The following SHB variants were observed in gnomAD, a reference collection of about 807,000 sequenced individuals.
SHB encodes SH2 domain-containing adapter protein B.
Under a neutral mutation model 52.3 loss-of-function variants are expected in SHB, and 20 were observed. The observed-to-expected ratio is 0.38, with a 90% CI of 0.27 to 0.56. The LOEUF (loss-of-function observed/expected upper bound fraction) is 0.56. Ranked by LOEUF, SHB falls within the 20% of genes least tolerant of loss-of-function variation. The pLI, the probability that SHB is intolerant of heterozygous loss-of-function variation, is 0.71. For missense variants in SHB, 825 were observed against 723.3 expected, an observed-to-expected ratio of 1.14 and a Z score of -1.61; for synonymous variants, 397 against 316.5, an observed-to-expected ratio of 1.25 and a Z score of -2.70.
At chr9:38,014,200 G>C (rs1056911837) in intron 2 of SHB, among the ~76,000 whole-genome samples, 2 of 151,908 alleles carry the variant, frequency 1.3e-5, no homozygotes, top group Non-Finnish European at 2.9e-5. Flanking sequence ...GAGGCTGTTA[G>C]GTTTAGATGA....
At position 37,920,020 on chromosome 9, in the gene SHB, A is replaced by G; in HGVS notation, c.1347-16T>C. ...CTGGTTGCTCCTGTGAACAAAACAC[A>G]GAGTTATCAGAACTACCCCCCTGAC... On this transcript the variant is annotated splice_polypyrimidine_tract_variant and intron_variant, in intron 5 of 5. Transcript: ENST00000377707. The G allele has an allele frequency of 1.2e-6, 2 of 1,608,500 alleles. No homozygotes were observed. The highest frequency in any genetic ancestry group is 1.7e-6 in the Non-Finnish European group (2 of 1,175,214).
intron 2 of SHB, among the ~76,000 whole-genome samples, chr9:38,012,647 C>T (rs947854964): frequency 2.6e-5 from 4 of 151,748 alleles, no homozygotes; most frequent in Admixed American, 6.6e-5. Context: ...AGGGGAAAAC[C>T]GAGGTCCCTG....
chr9:38,029,354 T>G (rs1410505801), intron 1 of SHB, among the ~76,000 whole-genome samples: 1 of 152,246 alleles, frequency 6.6e-6, no homozygotes, highest in African/African-American at 2.4e-5. Flanking sequence ...TTTACTCAAG[T>G]GCTTGCCCAT....
intron 5 of SHB, among the ~76,000 whole-genome samples, chr9:37,927,025 TATGCAAGATACCCACTGCACAG>T (rs1210486135): frequency 6.6e-6 from 1 of 152,184 alleles, no homozygotes; most frequent in Non-Finnish European, 1.5e-5. Flanking sequence ...GCTGGCATTA[TATGCAAGATACCCACTGCACAG>T]ATGAGAAGAC....
intron 1 of SHB, among the ~76,000 whole-genome samples, chr9:38,024,318 A>C (rs2118097653): frequency 6.6e-6 from 1 of 152,322 alleles, no homozygotes; most frequent in Middle Eastern, 3.4e-3. Flanking sequence ...GTTCTGTCCT[A>C]AATGCTCCTT....
At chr9:37,987,010 G>C (rs1445266471) in intron 2 of SHB, among the ~76,000 whole-genome samples, 1 of 152,252 alleles carries the variant, frequency 6.6e-6, no homozygotes, top group Non-Finnish European at 1.5e-5. Context: ...AAGCCATAGG[G>C]GACAGGCTTT....
At chr9:38,054,275 C>A (rs1417315435) in intron 1 of SHB, among the ~76,000 whole-genome samples, 1 of 152,196 alleles carries the variant, frequency 6.6e-6, no homozygotes, top group Non-Finnish European at 1.5e-5. Context: ...CCACAAGGGG[C>A]CAAGAAGCAG....
At chr9:38,049,132 T>C (rs935144664) in intron 1 of SHB, among the ~76,000 whole-genome samples, 1 of 152,240 alleles carries the variant, frequency 6.6e-6, no homozygotes, top group African/African-American at 2.4e-5. Context: ...GTGATCCTGC[T>C]ACCTCAGCCT....
chr9:37,997,366 C>T (rs1264576251), intron 2 of SHB, among the ~76,000 whole-genome samples: 1 of 152,224 alleles, frequency 6.6e-6, no homozygotes, highest in Non-Finnish European at 1.5e-5. Context: ...CAGGTCTGAG[C>T]TTGGGCTGCT....
chr9:37,946,562 C>T (rs555598279), intron 5 of SHB, among the ~76,000 whole-genome samples: 2 of 152,316 alleles, frequency 1.3e-5, no homozygotes, highest in Admixed American at 6.5e-5. Flanking sequence ...GCACTGGAGT[C>T]ACCACAGGGC....
intron 1 of SHB, among the ~76,000 whole-genome samples, chr9:38,016,553 G>A (rs1821215378): frequency 6.6e-6 from 1 of 152,236 alleles, no homozygotes; most frequent in Non-Finnish European, 1.5e-5. Flanking sequence ...TGCTCCTGGT[G>A]CTGGCTGAGG....
At chr9:37,996,221 C>T (rs1442098577) in intron 2 of SHB, among the ~76,000 whole-genome samples, 1 of 152,258 alleles carries the variant, frequency 6.6e-6, no homozygotes, top group East Asian at 1.9e-4. Flanking sequence ...TGTCCACAGG[C>T]TGCATGAAGC....
chr9:37,994,578 T>A (rs1271936698), intron 2 of SHB, among the ~76,000 whole-genome samples: 1 of 152,206 alleles, frequency 6.6e-6, no homozygotes, highest in African/African-American at 2.4e-5. Flanking sequence ...GCAACCTCTG[T>A]TGTGGAGTGG....
At chr9:37,987,525 C>T (rs1383040837) in intron 2 of SHB, among the ~76,000 whole-genome samples, 3 of 152,242 alleles carry the variant, frequency 2.0e-5, no homozygotes, top group Non-Finnish European at 4.4e-5. Flanking sequence ...AAGGCAGGCA[C>T]TGAAGAGCCC....
At chr9:38,066,839 C>G (rs764698913) in intron 1 of SHB, among the ~76,000 whole-genome samples, 1 of 152,192 alleles carries the variant, frequency 6.6e-6, no homozygotes, top group Non-Finnish European at 1.5e-5. Flanking sequence ...CTAAAAGGAA[C>G]TCAGACTCTT....
chr9:38,023,887 C>G (rs1381791768), intron 1 of SHB, among the ~76,000 whole-genome samples: 2 of 152,178 alleles, frequency 1.3e-5, no homozygotes, highest in African/African-American at 4.8e-5. Flanking sequence ...CAAGCGCCCC[C>G]TACTCGCCTC....
At chr9:37,968,362 G>A (rs754070478) in intron 3 of SHB, among the ~76,000 whole-genome samples, 15 of 152,166 alleles carry the variant, frequency 9.9e-5, no homozygotes, top group Non-Finnish European at 7.3e-5. Flanking sequence ...GGGTGGAGCC[G>A]GCATGTGAAC....
intron 1 of SHB, among the ~76,000 whole-genome samples, chr9:38,039,104 C>T (rs1821533034): frequency 6.6e-6 from 1 of 152,192 alleles, no homozygotes; most frequent in African/African-American, 2.4e-5. Flanking sequence ...CGCCAGAGAA[C>T]ATTTTCTTCC....
At chr9:37,959,913 T>A in intron 3 of SHB, among the ~76,000 whole-genome samples, 1 of 152,236 alleles carries the variant, frequency 6.6e-6, no homozygotes, top group South Asian at 2.1e-4. Flanking sequence ...ACCTAGCCCA[T>A]TACCGGCAAC....
Sources: gnomAD v4.1 joint callset for allele counts (sites outside exome capture counted in the v4.1 genomes callset) on GRCh38, gnomAD v4.1.1 for gene constraint, MANE v1.5 for transcripts, NCBI Gene and HGNC (gene_info 2026-07-23, HGNC 2026-07-21) for gene names.